Variants in UNC5C observed in about 807,000 individuals in gnomAD.
UNC5C encodes unc-5 netrin receptor C.
A neutral mutation model predicts 99.8 loss-of-function variants in UNC5C; 47 were observed. The observed-to-expected ratio is 0.47, with a 90% CI of 0.37 to 0.60. The LOEUF is 0.60. Among genes scored for constraint, UNC5C ranks in the 20% least tolerant of loss-of-function variants. The pLI is 0.00. For missense variants in UNC5C, 1,062 were observed against 1,165.9 expected, an observed-to-expected ratio of 0.91 and a Z score of 1.30; for synonymous variants, 487 against 452.2, an observed-to-expected ratio of 1.08 and a Z score of -0.98.
At chr4:95,510,753 GTACATTAATGAATGT>G (rs1235591487) in intron 1 of UNC5C, among the ~76,000 whole-genome samples, 1 of 152,076 alleles carries the variant, frequency 6.6e-6, no homozygotes, top group Non-Finnish European at 1.5e-5. Flanking sequence ...TTGGTATAAA[GTACATTAATGAATGT>G]TATATAATCT....
At chr4:95,413,619 A>T (rs1018951994) in intron 1 of UNC5C, among the ~76,000 whole-genome samples, 4 of 152,230 alleles carry the variant, frequency 2.6e-5, no homozygotes, top group Admixed American at 2.0e-4. Context: ...AAAGCTACAC[A>T]GACTGCGGAA....
chr4:95,261,243 G>A lies in UNC5C; in HGVS notation c.595-10576C>T, dbSNP rs1033579562. 2.6e-5 allele frequency among the ~76,000 whole-genome samples: 4 copies of A among 152,232 alleles called. No homozygotes were observed. In the East Asian group the frequency reaches 7.7e-4, roughly 29 times the overall value. On this transcript the variant is annotated intron_variant, in intron 4 of 15. Transcript: ENST00000453304. ...AGGCTGGTGTCCCCAGGGAAGCAGA[G>A]AGGTCCTTAGAAAAGAAGCATTGGA...
intron 3 of UNC5C, among the ~76,000 whole-genome samples, chr4:95,296,423 C>A: frequency 6.6e-6 from 1 of 152,016 alleles, no homozygotes; most frequent in East Asian, 1.9e-4. Context: ...AAGTAAATAG[C>A]AAAGTTTATA....
chr4:95,527,115 C>T (rs1270255714), intron 1 of UNC5C, among the ~76,000 whole-genome samples: 1 of 152,060 alleles, frequency 6.6e-6, no homozygotes, highest in East Asian at 1.9e-4. Flanking sequence ...TATTCACAAA[C>T]TTCCTAAAAA....
chr4:95,378,716 G>A (rs1216704056), intron 1 of UNC5C, among the ~76,000 whole-genome samples: 1 of 152,136 alleles, frequency 6.6e-6, no homozygotes, highest in East Asian at 1.9e-4. Context: ...AGTAGAGCAA[G>A]CATGTGGTTT....
At chr4:95,285,146 G>T (rs1741187980) in intron 3 of UNC5C, among the ~76,000 whole-genome samples, 1 of 152,164 alleles carries the variant, frequency 6.6e-6, no homozygotes, top group South Asian at 2.1e-4. Flanking sequence ...CTCACCAAAG[G>T]TACTTCATTA....
intron 1 of UNC5C, among the ~76,000 whole-genome samples, chr4:95,436,601 T>TAAA (rs1560831974): frequency 2.6e-5 from 4 of 151,934 alleles, no homozygotes; most frequent in Non-Finnish European, 5.9e-5. Flanking sequence ...GGCCCCAGGT[T>TAAA]GTTTCTCTTA....
intron 7 of UNC5C, among the ~76,000 whole-genome samples, chr4:95,239,199 C>A (rs934577509): frequency 1.3e-5 from 2 of 152,170 alleles, no homozygotes; most frequent in Admixed American, 1.3e-4. Flanking sequence ...TTGCTGTTTG[C>A]TCTGCTGGTG....
chr4:95,215,002 T>A (rs1738199274), intron 10 of UNC5C, among the ~76,000 whole-genome samples: 1 of 152,196 alleles, frequency 6.6e-6, no homozygotes, highest in Non-Finnish European at 1.5e-5. Context: ...AGAATTGTAT[T>A]ATTTTCTTAG....
chr4:95,185,516 T>C (rs1215260840), intron 12 of UNC5C, among the ~76,000 whole-genome samples: 3 of 151,834 alleles, frequency 2.0e-5, no homozygotes, highest in Non-Finnish European at 4.4e-5. Flanking sequence ...ACATCAGAAC[T>C]CAAAACCAGA....
chr4:95,341,441 C>A (rs1743572288), intron 1 of UNC5C, among the ~76,000 whole-genome samples: 2 of 140,612 alleles, frequency 1.4e-5, no homozygotes, highest in East Asian at 4.3e-4. Flanking sequence ...AGAATTATAC[C>A]ATTTTTTTTA....
chr4:95,548,887 AG>A lies in UNC5C; in HGVS notation c.-31del, dbSNP rs749575012. 2 of 1,605,608 alleles carry A rather than the reference AG, an allele frequency of 1.2e-6. No individual in the cohort carries two copies. Among genetic ancestry groups the A allele is most frequent in the Non-Finnish European group, 8.5e-7 (1 of 1,175,930 alleles). On this transcript the variant is annotated 5_prime_UTR_variant, in exon 1 of 16. Transcript: ENST00000453304. ...GACAGAGGTGTGCCGGGGGGAGGGG[AG>A]GGGGACAGAGAGACGCGCAAACAGC...
intron 2 of UNC5C, among the ~76,000 whole-genome samples, chr4:95,304,436 C>A (rs1458990887): frequency 6.6e-6 from 1 of 152,052 alleles, no homozygotes; most frequent in Non-Finnish European, 1.5e-5. Flanking sequence ...ACCACTTTGC[C>A]TCCTCTTTCC....
intron 7 of UNC5C, among the ~76,000 whole-genome samples, chr4:95,224,736 A>G (rs1400378527): frequency 6.6e-6 from 1 of 152,236 alleles, no homozygotes; most frequent in Non-Finnish European, 1.5e-5. Context: ...AAAATAAGCA[A>G]GTAAACAAAA....
chr4:95,516,840 C>T (rs1722233030), intron 1 of UNC5C, among the ~76,000 whole-genome samples: 1 of 152,136 alleles, frequency 6.6e-6, no homozygotes, highest in South Asian at 2.1e-4. Flanking sequence ...CTTGGAATGA[C>T]ACTTCCTGTG....
intron 1 of UNC5C, among the ~76,000 whole-genome samples, chr4:95,456,965 G>A (rs1747446255): frequency 2.0e-5 from 3 of 152,016 alleles, no homozygotes; most frequent in Admixed American, 2.0e-4. Context: ...TTAATACTAT[G>A]TTCATTTCTA....
intron 1 of UNC5C, among the ~76,000 whole-genome samples, chr4:95,464,517 G>A (rs539954320): frequency 2.0e-5 from 3 of 152,236 alleles, no homozygotes; most frequent in African/African-American, 7.2e-5. Context: ...ATCTAAAATA[G>A]AGCTATTTTA....
chr4:95,229,894 T>C (rs1284350735), intron 7 of UNC5C, among the ~76,000 whole-genome samples: 1 of 135,384 alleles, frequency 7.4e-6, no homozygotes, highest in Non-Finnish European at 1.5e-5. Flanking sequence ...CACTGCAACC[T>C]GCACCTCCTG....
chr4:95,417,930 T>C (rs76662009), intron 1 of UNC5C, among the ~76,000 whole-genome samples: 14,047 of 152,330 alleles, frequency 0.092, 873 homozygotes, highest in Non-Finnish European at 0.14. Flanking sequence ...CCTTTACTCC[T>C]GTCCCTCTGA....
Sources: gnomAD v4.1 joint callset for allele counts (sites outside exome capture counted in the v4.1 genomes callset) on GRCh38, gnomAD v4.1.1 for gene constraint, MANE v1.5 for transcripts, NCBI Gene and HGNC (gene_info 2026-07-23, HGNC 2026-07-21) for gene names.